ANKRD30B: variants seen among roughly 807,000 people sequenced by gnomAD.
The protein encoded by ANKRD30B is ankyrin repeat domain-containing protein 30B.
Under a neutral mutation model 202.2 loss-of-function variants are expected in ANKRD30B, and 144 were observed. The ratio of observed to expected loss-of-function variants is 0.71; its 90% CI spans 0.62 to 0.82. The LOEUF is 0.82. Ranked by LOEUF, ANKRD30B falls within the 40% of genes least tolerant of loss-of-function variation. The probability of loss-of-function intolerance (pLI) is 0.00; values close to 1 mark genes in which losing one functional copy is unlikely to be tolerated. For synonymous variants in ANKRD30B, 508 were observed against 561.3 expected (o/e 0.91, Z 1.34); for missense variants, 1,487 against 1,669.1 (o/e 0.89, Z 1.90).
chr18:14,876,508 G>T, the ANKRD30B span, among the ~76,000 whole-genome samples: 3 of 152,154 alleles, frequency 2.0e-5, no homozygotes, highest in African/African-American at 7.2e-5. Flanking sequence ...CTGATCTCAT[G>T]GGGGTCTTAA....
intron 2 of ANKRD30B, 77 bp from the exon 3 acceptor site, chr18:14,752,762 C>A: frequency 1.4e-5 from 22 of 1,539,462 alleles, no homozygotes; most frequent in Non-Finnish European, 1.9e-5. Context: ...TGAAATACAA[C>A]TAGTTTGTGA....
chr18:14,873,300 T>G, the ANKRD30B span, among the ~76,000 whole-genome samples: 1 of 151,864 alleles, frequency 6.6e-6, no homozygotes, highest in East Asian at 1.9e-4. Flanking sequence ...CCGAGGTGGG[T>G]GGATCACGAG....
chr18:14,885,288 A>G, the ANKRD30B span, among the ~76,000 whole-genome samples: 1 of 152,066 alleles, frequency 6.6e-6, no homozygotes, highest in African/African-American at 2.4e-5. Context: ...TTTCTCATGT[A>G]TCATTCATGC....
rs764621240 is a variant in ANKRD30B, at chr18:14,752,996, T to C, written c.494T>C (p.Ile165Thr). Reference sequence around the variant, plus strand: ...ACACTGCTGTCCTATGGTGCAGTCATCGAGGTGCAAAACAAGGTAGACATT... The same window carrying C: ...ACACTGCTGTCCTATGGTGCAGTCACCGAGGTGCAAAACAAGGTAGACATT... ...VATLLSYGAV[I>T]EVQNKASLTP... Residue 165 changes from isoleucine to threonine, a missense_variant, in exon 3 of 44, where the codon ATC (isoleucine) becomes ACC (threonine). Around this residue, in one of 6 missense-constraint regions of ANKRD30B, gnomAD observed 889 missense variants for 841.4 expected, o/e 1.06. Transcript: ENST00000690538. 2.3e-5 allele frequency: 37 copies of C among 1,595,408 alleles called. No homozygotes were observed. Among genetic ancestry groups the C allele is most frequent in the Non-Finnish European group, 3.1e-5 (36 of 1,171,326 alleles).
chr18:14,872,525 G>A, the ANKRD30B span, among the ~76,000 whole-genome samples: 1 of 152,100 alleles, frequency 6.6e-6, no homozygotes, highest in Non-Finnish European at 1.5e-5. Context: ...TGCTGCCATT[G>A]GTTATATAGA....
the ANKRD30B span, among the ~76,000 whole-genome samples, chr18:14,877,031 T>C: frequency 6.6e-6 from 1 of 152,356 alleles, no homozygotes; most frequent in African/African-American, 2.4e-5. Context: ...TTGGCCAACA[T>C]TCCTGGCTTC....
chr18:14,838,000 A>T (rs929955329), intron 36 of ANKRD30B, among the ~76,000 whole-genome samples: 5 of 152,186 alleles, frequency 3.3e-5, no homozygotes, highest in Non-Finnish European at 2.9e-5. Context: ...TGGGCAACAG[A>T]GCGAGACTCC....
At chr18:14,752,108 TTTTC>T (rs1235679623) in intron 1 of ANKRD30B, among the ~76,000 whole-genome samples, 1 of 152,156 alleles carries the variant, frequency 6.6e-6, no homozygotes, top group Non-Finnish European at 1.5e-5. Flanking sequence ...ACTTAAAATG[TTTTC>T]TTTATTAAGT....
chr18:14,864,367 C>CA, the ANKRD30B span, among the ~76,000 whole-genome samples: 316 of 151,652 alleles, frequency 2.1e-3, 1 homozygote, highest in Middle Eastern at 0.024. Context: ...CAAACCAAAA[C>CA]AAAAAAAACC....
In ANKRD30B at chr18:14,807,490, G is replaced by T. The variant is rs546978100; in HGVS notation, c.2285-1061G>T. ...TATGCAGGTTAATGATATGTAAAAA[G>T]TCTCTGGAAATTGACATCTAATTTT... On this transcript the variant is annotated intron_variant, in intron 24 of 43. Coordinates refer to ENST00000690538, the MANE Select transcript of ANKRD30B (RefSeq NM_001367607.2). Among the ~76,000 whole-genome samples the T allele has an allele frequency of 4.0e-5, 6 of 148,244 alleles. No homozygotes were observed. In the East Asian group the frequency reaches 7.8e-4, roughly 19 times the overall value.
the ANKRD30B span, among the ~76,000 whole-genome samples, chr18:14,865,135 A>G: frequency 6.6e-6 from 1 of 151,046 alleles, no homozygotes; most frequent in African/African-American, 2.4e-5. Context: ...ATCTACCCAA[A>G]CACTTTTTAC....
chr18:14,906,628 GCACACA>G, the ANKRD30B span, among the ~76,000 whole-genome samples: 1 of 151,248 alleles, frequency 6.6e-6, no homozygotes, highest in South Asian at 2.1e-4. Flanking sequence ...TCTTTTTTTT[GCACACA>G]CACTTCTCCA....
chr18:14,865,760 C>T, the ANKRD30B span, among the ~76,000 whole-genome samples: 3 of 152,092 alleles, frequency 2.0e-5, no homozygotes, highest in East Asian at 5.8e-4. Context: ...CCGCTCCAGC[C>T]ACACTACAGT....
rs56871571 is a variant in ANKRD30B at position 14,847,050 on chromosome 18, TTATATATATATA to T, written c.3182-1634_3182-1623del. The stretch of plus-strand genomic sequence containing the variant: ...GTTTAGTAATTTTTATGATTTAGTT[TTATATATATATA>T]TATATATATATATATATATATATAT... On this transcript the variant is annotated intron_variant, in intron 39 of 43. Coordinates refer to ENST00000690538, the MANE Select transcript of ANKRD30B (RefSeq NM_001367607.2). Among the ~76,000 whole-genome samples the T allele has an allele frequency of 1.9e-3, 216 of 111,122 alleles. 1 individual carries two copies. The highest frequency in any genetic ancestry group is 3.4e-3 in the African/African-American group (105 of 31,084). 72.9% of individuals were successfully genotyped at this position (111,122 alleles called of 152,430 possible). A position where few individuals can be genotyped will look rare whatever the true frequency, so the allele number is the denominator to read the frequency against.
chr18:14,883,389 C>CTATA, the ANKRD30B span: 2 of 96,396 alleles, frequency 2.1e-5, no homozygotes, highest in Non-Finnish European at 3.9e-5. Context: ...CTCTCTCTCT[C>CTATA]TCTCTCTCTC....
At chr18:14,864,139 A>G in the ANKRD30B span, among the ~76,000 whole-genome samples, 2 of 152,204 alleles carry the variant, frequency 1.3e-5, no homozygotes, top group African/African-American at 4.8e-5. Flanking sequence ...GGTCGGGACC[A>G]GCCTGACCAA....
chr18:14,842,093 A>T (rs1971442083), intron 37 of ANKRD30B, among the ~76,000 whole-genome samples: 1 of 152,138 alleles, frequency 6.6e-6, no homozygotes, highest in South Asian at 2.1e-4. Context: ...TTGAATTCTA[A>T]AATTGTTTTT....
chr18:14,756,657 G>T (rs529811812), intron 4 of ANKRD30B, among the ~76,000 whole-genome samples: 10 of 152,342 alleles, frequency 6.6e-5, no homozygotes, highest in Admixed American at 2.6e-4. Flanking sequence ...AGTTTGGGAG[G>T]CCAAGGTGGT....
chr18:14,872,578 T>C, the ANKRD30B span, among the ~76,000 whole-genome samples: 5 of 152,168 alleles, frequency 3.3e-5, no homozygotes, highest in Admixed American at 2.6e-4. Context: ...CTCAGTCTCC[T>C]GCTTGGTTCT....
Sources: allele counts gnomAD v4.1 joint callset (sites outside exome capture counted in the v4.1 genomes callset), GRCh38; gene constraint gnomAD v4.1.1; regional missense constraint gnomAD v4.1.1; transcripts MANE v1.5; gene names NCBI Gene and HGNC (gene_info 2026-07-23, HGNC 2026-07-21).